The following KCNIP4 variants were observed in gnomAD, a reference collection of about 807,000 sequenced individuals.
KCNIP4 encodes potassium voltage-gated channel interacting protein 4.
A neutral mutation model predicts 34.0 loss-of-function variants in KCNIP4; 12 were observed. The observed-to-expected ratio is 0.35, with a 90% CI of 0.23 to 0.57. The LOEUF is 0.57. Ranked by LOEUF, KCNIP4 falls within the 20% of genes least tolerant of loss-of-function variation. KCNIP4 has a pLI of 0.83. For missense variants in KCNIP4, 238 were observed against 311.7 expected (o/e 0.76, Z 1.78); for synonymous variants, 124 against 102.2 (o/e 1.21, Z -1.29).
intron 1 of KCNIP4, among the ~76,000 whole-genome samples, chr4:20,890,198 C>A (rs1725783814): frequency 6.6e-6 from 1 of 152,048 alleles, no homozygotes; most frequent in African/African-American, 2.4e-5. Flanking sequence ...CCGAATGAGC[C>A]AGCCAAAAAA....
intron 3 of KCNIP4, among the ~76,000 whole-genome samples, chr4:20,832,068 CATG>C (rs1718496503): frequency 6.6e-6 from 1 of 151,538 alleles, no homozygotes; most frequent in South Asian, 2.1e-4. Flanking sequence ...CTTTTTTTTT[CATG>C]AAGAGCTCCA....
chr4:21,128,810 T>G (rs1750826785), intron 1 of KCNIP4, among the ~76,000 whole-genome samples: 1 of 152,254 alleles, frequency 6.6e-6, no homozygotes, highest in African/African-American at 2.4e-5. Context: ...CAGAAACAGA[T>G]AATATTCCAT....
intron 1 of KCNIP4, among the ~76,000 whole-genome samples, chr4:21,693,679 A>C (rs1711945731): frequency 6.6e-6 from 1 of 152,224 alleles, no homozygotes; most frequent in South Asian, 2.1e-4. Flanking sequence ...AAACTTGTGA[A>C]ACAAATGGAC....
chr4:21,872,417 G>C (rs1725871428), intron 1 of KCNIP4, among the ~76,000 whole-genome samples: 1 of 152,142 alleles, frequency 6.6e-6, no homozygotes. Flanking sequence ...CCCCTTTAAA[G>C]GCAGGAGTGA....
intron 1 of KCNIP4, among the ~76,000 whole-genome samples, chr4:21,739,122 G>C (rs1042755625): frequency 2.0e-5 from 3 of 152,022 alleles, no homozygotes; most frequent in African/African-American, 7.2e-5. Context: ...TGCATACATA[G>C]ACTTATTGTA....
In KCNIP4 at chr4:21,090,614, C is replaced by T. The variant is rs1231865205; in HGVS notation, c.62-207905G>A. On this transcript the variant is annotated intron_variant, in intron 1 of 8. Transcript: ENST00000382152. Reference sequence around the variant, plus strand: ...TTTTTATGTATTGCATTGTATGTTCCTCTCAAATATTTTAAAATTATTTTA... The same window carrying T: ...TTTTTATGTATTGCATTGTATGTTCTTCTCAAATATTTTAAAATTATTTTA... 2.0e-5 allele frequency among the ~76,000 whole-genome samples: 3 copies of T among 152,118 alleles called. No individual in the cohort carries two copies. In the East Asian group the frequency reaches 5.8e-4, roughly 29 times the overall value.
chr4:21,341,308 G>A (rs959113398), intron 1 of KCNIP4, among the ~76,000 whole-genome samples: 1 of 152,046 alleles, frequency 6.6e-6, no homozygotes, highest in African/African-American at 2.4e-5. Context: ...AGCAGCCTAG[G>A]AAACTAACAC....
chr4:21,006,133 G>T (rs1738537089), intron 1 of KCNIP4, among the ~76,000 whole-genome samples: 1 of 152,168 alleles, frequency 6.6e-6, no homozygotes, highest in Non-Finnish European at 1.5e-5. Context: ...TTGAAAGCTG[G>T]TTAAGAGCAA....
At chr4:21,640,942 G>A (rs1469489339) in intron 1 of KCNIP4, among the ~76,000 whole-genome samples, 1 of 152,148 alleles carries the variant, frequency 6.6e-6, no homozygotes, top group African/African-American at 2.4e-5. Flanking sequence ...TCAGACCAAA[G>A]CCCTGCCACT....
chr4:21,311,104 C>T (rs1035525146), intron 1 of KCNIP4, among the ~76,000 whole-genome samples: 1 of 152,164 alleles, frequency 6.6e-6, no homozygotes, highest in Non-Finnish European at 1.5e-5. Flanking sequence ...AGAACAGAGA[C>T]TGTCACTGTG....
intron 1 of KCNIP4, among the ~76,000 whole-genome samples, chr4:20,913,179 C>CA (rs925752280): frequency 2.0e-5 from 3 of 148,982 alleles, no homozygotes; most frequent in African/African-American, 4.9e-5. Context: ...TTTTTTCAGC[C>CA]AAAAAAAGAA....
At position 21,343,700 on chromosome 4, in the gene KCNIP4, C is replaced by T. The variant is rs115446033; in HGVS notation, c.62-460991G>A. ...AAAATGTACACTTTCTAACTTCACC[C>T]CCAGAAAGTCTCAGGGGGAGCTTCA... is the stretch of plus-strand genomic sequence containing the variant. On this transcript the variant is annotated intron_variant, in intron 1 of 8. Coordinates refer to ENST00000382152, the MANE Select transcript of KCNIP4 (RefSeq NM_025221.6). Among the ~76,000 whole-genome samples the T allele has an allele frequency of 6.5e-3, 993 of 152,126 alleles. 11 individuals carry two copies. Among genetic ancestry groups the T allele is most frequent in the African/African-American group, 0.023 (948 of 41,518 alleles).
At chr4:20,972,367 A>C (rs1246467431) in intron 1 of KCNIP4, among the ~76,000 whole-genome samples, 1 of 152,134 alleles carries the variant, frequency 6.6e-6, no homozygotes, top group African/African-American at 2.4e-5. Context: ...AAATAATAAG[A>C]TGTGAAAGTC....
intron 1 of KCNIP4, among the ~76,000 whole-genome samples, chr4:21,425,140 C>CTTT (rs950789114): frequency 6.6e-6 from 1 of 152,048 alleles, no homozygotes; most frequent in Non-Finnish European, 1.5e-5. Flanking sequence ...TTTACTTGAC[C>CTTT]TTTGAAGGAC....
At chr4:20,937,441 A>C (rs905513387) in intron 1 of KCNIP4, among the ~76,000 whole-genome samples, 29 of 151,032 alleles carry the variant, frequency 1.9e-4, no homozygotes, top group African/African-American at 6.8e-4. Context: ...TCACCATGTT[A>C]GCCAGGATGG....
At chr4:21,058,219 A>G (rs1033997717) in intron 1 of KCNIP4, among the ~76,000 whole-genome samples, 1 of 152,172 alleles carries the variant, frequency 6.6e-6, no homozygotes, top group East Asian at 1.9e-4. Flanking sequence ...CAATGAGGAA[A>G]TATACCTTGG....
chr4:21,545,846 G>A (rs376006534), intron 1 of KCNIP4, among the ~76,000 whole-genome samples: 30 of 152,204 alleles, frequency 2.0e-4, no homozygotes, highest in Admixed American at 7.9e-4. Flanking sequence ...ATAAACATAC[G>A]TGTGCGTGTG....
At chr4:21,174,095 G>A (rs1283589903) in intron 1 of KCNIP4, among the ~76,000 whole-genome samples, 1 of 152,128 alleles carries the variant, frequency 6.6e-6, no homozygotes, top group East Asian at 1.9e-4. Context: ...CTCTAAGTTG[G>A]CGGTTAGTTG....
chr4:21,009,228 A>G (rs1738849059), intron 1 of KCNIP4, among the ~76,000 whole-genome samples: 1 of 152,214 alleles, frequency 6.6e-6, no homozygotes, highest in Non-Finnish European at 1.5e-5. Context: ...ATGAATACAT[A>G]GCATTTGTTC....
Sources: allele counts gnomAD v4.1 joint callset (sites outside exome capture counted in the v4.1 genomes callset), GRCh38; gene constraint gnomAD v4.1.1; transcripts MANE v1.5; gene names NCBI Gene and HGNC (gene_info 2026-07-23, HGNC 2026-07-21).